The following DPYSL5 variants were observed in gnomAD, a reference collection of about 807,000 sequenced individuals.
The protein encoded by DPYSL5 is dihydropyrimidinase like 5.
Under a neutral mutation model 58.4 loss-of-function variants are expected in DPYSL5, and 9 were observed. That is an observed-to-expected ratio of 0.15 (90% CI 0.09 to 0.27). DPYSL5 has a LOEUF of 0.27. Ranked by LOEUF, DPYSL5 falls within the 10% of genes least tolerant of loss-of-function variation. The probability of loss-of-function intolerance (pLI) is 1.00; values close to 1 mark genes in which losing one functional copy is unlikely to be tolerated. For synonymous variants in DPYSL5, 293 were observed against 301.9 expected (o/e 0.97, Z 0.31); for missense variants, 499 against 770.6 (o/e 0.65, Z 4.17).
rs928708583 is a variant in DPYSL5, at chr2:26,877,901, T to A, written c.-4-20595T>A. ...GCTGCACAGCCCTCTATTGTGTGAATATACCATTATTTATTTAAACAGTCC... is the reference window on the plus strand; with the variant it reads ...GCTGCACAGCCCTCTATTGTGTGAAAATACCATTATTTATTTAAACAGTCC... On this transcript the variant is annotated intron_variant, in intron 1 of 12. Coordinates refer to ENST00000288699, the MANE Select transcript of DPYSL5 (RefSeq NM_020134.4). The surrounding 1 kb of genome is among the most constrained non-coding windows in gnomAD (Gnocchi z 4.1). Among the ~76,000 whole-genome samples the A allele has an allele frequency of 4.6e-5, 7 of 152,380 alleles. No homozygotes were observed. In the East Asian group the frequency reaches 7.7e-4, roughly 17 times the overall value.
At chr2:26,884,171 G>A (rs2099400) in intron 1 of DPYSL5, among the ~76,000 whole-genome samples, 2 of 152,176 alleles carry the variant, frequency 1.3e-5, no homozygotes, top group Non-Finnish European at 2.9e-5. Context: ...CCGGGTGGGC[G>A]AGGTGCTGGT....
intron 1 of DPYSL5, among the ~76,000 whole-genome samples, chr2:26,880,074 GA>G (rs754213651): frequency 2.0e-5 from 3 of 152,128 alleles, no homozygotes; most frequent in Non-Finnish European, 4.4e-5. Context: ...ATTTTTTGTA[GA>G]GACAGAGTCT....
chr2:26,940,125 G>A lies in DPYSL5; in HGVS notation c.1042G>A (p.Val348Met). 1 of 1,614,226 alleles carries A rather than the reference G, an allele frequency of 6.2e-7. No individual in the cohort carries two copies. The highest frequency in any genetic ancestry group is 1.1e-5 in the South Asian group (1 of 91,082). Residue 348 changes from valine (V) to methionine (M), a missense_variant, in exon 9 of 13, where the codon GTG becomes ATG. Val to Met is a conservative substitution (Grantham distance 21, BLOSUM62 1). Coordinates refer to ENST00000288699, the MANE Select transcript of DPYSL5 (RefSeq NM_020134.4). ...AGACTTCACCAAGATCCCACATGGA[G>A]TGAGTGGCGTGCAGGACCGCATGAG... is the stretch of plus-strand genomic sequence containing the variant. The part of the protein sequence containing the change: ...KEDFTKIPHG[V>M]SGVQDRMSVI...
intron 1 of DPYSL5, among the ~76,000 whole-genome samples, chr2:26,880,433 C>A (rs904012176): frequency 6.6e-6 from 1 of 152,214 alleles, no homozygotes; most frequent in African/African-American, 2.4e-5. Flanking sequence ...ATCCTATGAC[C>A]ACACTTGGAT....
At position 26,848,216 on chromosome 2, in the gene DPYSL5, C is replaced by A. The variant is rs751665836; in HGVS notation, c.-43C>A. ...GGCGCCGCGGCGAGACGGAGACGGA[C>A]CGAGCCACGGGCCCCCGCGGCCGCA... On this transcript the variant is annotated 5_prime_UTR_variant, in exon 1 of 13. Transcript: ENST00000288699. 5.9e-5 allele frequency: 9 copies of A among 151,872 alleles called. No individual in the cohort carries two copies. Among genetic ancestry groups the A allele is most frequent in the Non-Finnish European group, 1.3e-4 (9 of 67,966 alleles). The allele number at this position is 151,872 out of a possible 1,614,324, so 9.4% of individuals were successfully genotyped here.
At chr2:26,921,379 C>A (rs936522397) in intron 2 of DPYSL5, among the ~76,000 whole-genome samples, 3 of 152,026 alleles carry the variant, frequency 2.0e-5, no homozygotes, top group Admixed American at 6.5e-5. Flanking sequence ...TCTTCTGCAG[C>A]GTACTTAACC....
intron 1 of DPYSL5, among the ~76,000 whole-genome samples, chr2:26,861,214 A>C (rs1666002958): frequency 7.2e-5 from 11 of 152,202 alleles, no homozygotes; most frequent in Admixed American, 7.2e-4. Flanking sequence ...AAAGGCTCTG[A>C]GATCAGGAAG....
chr2:26,867,522 C>A (rs1663125233), intron 1 of DPYSL5, among the ~76,000 whole-genome samples: 1 of 144,318 alleles, frequency 6.9e-6, no homozygotes. Context: ...GTGGCGGGAT[C>A]TCGGCTCACT....
In DPYSL5 at chr2:26,933,384, G is replaced by C; in HGVS notation, c.790+51G>C. The C allele has an allele frequency of 6.4e-6, 10 of 1,551,616 alleles. No individual in the cohort carries two copies. Among genetic ancestry groups the C allele is most frequent in the Non-Finnish European group, 8.9e-6 (10 of 1,125,734 alleles). ...GAGCAGGTCAAGTGGAGGGACTGGA[G>C]ATGGATGGGGCCCATTAGCCGTGCT... On this transcript the variant is annotated intron_variant, in intron 7 of 12. Coordinates refer to ENST00000288699, the MANE Select transcript of DPYSL5 (RefSeq NM_020134.4). The surrounding 1 kb of genome is among the most constrained non-coding windows in gnomAD (Gnocchi z 4.2).
Position 26,927,509 on chromosome 2 carries a change from C to A in DPYSL5, c.600+77C>A. ...AGTTCTCAGGGGATTCCTGACCACCCGTCACTGATCCCACAGGATTCAGAC... is the reference window on the plus strand; with the variant it reads ...AGTTCTCAGGGGATTCCTGACCACCAGTCACTGATCCCACAGGATTCAGAC... On this transcript the variant is annotated intron_variant, in intron 4 of 12. Transcript: ENST00000288699. This position sits in a 1 kb window ranked among gnomAD's most constrained non-coding sequence, Gnocchi z 4.3. 1 of 1,518,244 alleles carries A rather than the reference C, an allele frequency of 6.6e-7. No homozygotes were observed. The highest frequency in any genetic ancestry group is 8.9e-7 in the Non-Finnish European group (1 of 1,120,050). 94.0% of individuals were successfully genotyped at this position (1,518,244 alleles called of 1,614,324 possible). A position where few individuals can be genotyped will look rare whatever the true frequency, so the allele number is the denominator to read the frequency against.
intron 2 of DPYSL5, among the ~76,000 whole-genome samples, chr2:26,910,109 C>T (rs551084622): frequency 1.2e-4 from 18 of 152,184 alleles, no homozygotes; most frequent in African/African-American, 3.4e-4. Flanking sequence ...TGGAGCAATG[C>T]GATATGCATT....
intron 1 of DPYSL5, 75 bp downstream of exon 1, chr2:26,848,329 G>C (rs1665650612): frequency 6.6e-6 from 1 of 152,280 alleles, no homozygotes; most frequent in African/African-American, 2.4e-5. Flanking sequence ...TTCTGTTTCT[G>C]CGTGAGGCGC....
At chr2:26,876,577 A>T (rs574436147) in intron 1 of DPYSL5, among the ~76,000 whole-genome samples, 2 of 152,190 alleles carry the variant, frequency 1.3e-5, no homozygotes, top group South Asian at 2.1e-4. Context: ...GCGCAATGGT[A>T]TGATCTTGGC....
Position 26,943,531 on chromosome 2 carries a change from G to T in DPYSL5, c.1440+781G>T, listed in dbSNP as rs541499850. On this transcript the variant is annotated intron_variant, in intron 11 of 12. Transcript: ENST00000288699. Reference sequence around the variant, plus strand: ...GTCTGCCTCGGCCTCCTAAAGTGCTGGGATTACAGGCGTGAGCCACTGTGC... The same window carrying T: ...GTCTGCCTCGGCCTCCTAAAGTGCTTGGATTACAGGCGTGAGCCACTGTGC... 3.3e-5 allele frequency among the ~76,000 whole-genome samples: 5 copies of T among 152,298 alleles called. No homozygotes were observed. In the South Asian group the frequency reaches 1.0e-3, roughly 32 times the overall value.
intron 1 of DPYSL5, among the ~76,000 whole-genome samples, chr2:26,864,626 C>G (rs1049465396): frequency 6.6e-6 from 1 of 151,692 alleles, no homozygotes; most frequent in African/African-American, 2.4e-5. Context: ...CGTGAACCAT[C>G]CTGGCCATTA....
rs983645415 is a variant in DPYSL5, at chr2:26,864,690, C to T, written c.-5+16436C>T. On this transcript the variant is annotated intron_variant, in intron 1 of 12. Coordinates refer to ENST00000288699, the MANE Select transcript of DPYSL5 (RefSeq NM_020134.4). ...TGTTGGACTGGATTTGGGAAGAAGACGCTAGGCAGAGGGATGAGTGTGAAG... is the reference window on the plus strand; with the variant it reads ...TGTTGGACTGGATTTGGGAAGAAGATGCTAGGCAGAGGGATGAGTGTGAAG... Among the ~76,000 whole-genome samples the T allele has an allele frequency of 1.0e-3, 155 of 152,112 alleles. 1 individual carries two copies. The highest frequency in any genetic ancestry group is 9.6e-3 in the Admixed American group (146 of 15,268).
At chr2:26,883,136 T>C (rs1663616748) in intron 1 of DPYSL5, among the ~76,000 whole-genome samples, 1 of 152,098 alleles carries the variant, frequency 6.6e-6, no homozygotes, top group Non-Finnish European at 1.5e-5. Context: ...ATATGTGCAG[T>C]TTAAAGAATA....
At chr2:26,888,579 A>G (rs1663788538) in intron 1 of DPYSL5, among the ~76,000 whole-genome samples, 1 of 152,098 alleles carries the variant, frequency 6.6e-6, no homozygotes, top group African/African-American at 2.4e-5. Flanking sequence ...CTCAGCCACG[A>G]TTTATTCTTT....
In DPYSL5 at chr2:26,906,186, CT is replaced by C. The variant is rs35287552; in HGVS notation, c.261+7442del. On this transcript the variant is annotated intron_variant, in intron 2 of 12. Coordinates refer to ENST00000288699, the MANE Select transcript of DPYSL5 (RefSeq NM_020134.4). ...CTTTCACCAAGAAAAAAACCCATAT[CT>C]TTTTTTTTTTTTTTTGAGACAGAGT... Among the ~76,000 whole-genome samples the C allele has an allele frequency of 1.4e-3, 196 of 138,706 alleles. 1 individual carries two copies. The highest frequency in any genetic ancestry group is 3.7e-3 in the South Asian group (16 of 4,274). The allele number at this position is 138,706 out of a possible 152,430, so 91.0% of individuals were successfully genotyped here. A position where few individuals can be genotyped will look rare whatever the true frequency, so the allele number is the denominator to read the frequency against.
Sources: allele counts gnomAD v4.1 joint callset (sites outside exome capture counted in the v4.1 genomes callset), GRCh38; gene constraint gnomAD v4.1.1; non-coding constraint Gnocchi (gnomAD v3.1); transcripts MANE v1.5; gene names NCBI Gene and HGNC (gene_info 2026-07-23, HGNC 2026-07-21).